The following RBFOX1 variants were observed in gnomAD, a reference collection of about 807,000 sequenced individuals.
The protein encoded by RBFOX1 is RNA binding protein fox-1 homolog 1.
In RBFOX1, 8 loss-of-function variants were observed where a neutral mutation model predicts 57.7. That is an observed-to-expected ratio of 0.14 (90% confidence interval 0.08 to 0.25). The LOEUF (loss-of-function observed/expected upper bound fraction) is 0.25, where lower values mean the gene tolerates loss of function less well. Among genes scored for constraint, RBFOX1 ranks in the 10% least tolerant of loss-of-function variants. The pLI, the probability that RBFOX1 is intolerant of heterozygous loss-of-function variation, is 1.00. For synonymous variants in RBFOX1, 326 were observed against 222.4 expected (o/e 1.47, Z -4.15); for missense variants, 611 against 548.5 (o/e 1.11, Z -1.14).
At chr16:7,258,963 A>G (rs2094808929) in intron 4 of RBFOX1, among the ~76,000 whole-genome samples, 1 of 152,204 alleles carries the variant, frequency 6.6e-6, no homozygotes, top group Admixed American at 6.5e-5. Context: ...TGTTTCACCT[A>G]TGACATATTG....
intron 1 of RBFOX1, among the ~76,000 whole-genome samples, chr16:5,430,909 A>G (rs902231197): frequency 2.6e-5 from 4 of 152,266 alleles, no homozygotes; most frequent in African/African-American, 7.2e-5. Flanking sequence ...GAGACAGTTT[A>G]TAATAGAATC....
intron 4 of RBFOX1, among the ~76,000 whole-genome samples, chr16:7,463,206 A>T (rs2059894312): frequency 6.6e-6 from 1 of 152,062 alleles, no homozygotes; most frequent in African/African-American, 2.4e-5. Flanking sequence ...AGTGTCTTTT[A>T]AAAGGGCATG....
chr16:5,552,652 T>C (rs1464814053), intron 2 of RBFOX1, among the ~76,000 whole-genome samples: 2 of 152,110 alleles, frequency 1.3e-5, no homozygotes, highest in South Asian at 2.1e-4. Context: ...TAAAATAGAA[T>C]TGGAAACCGA....
chr16:6,254,669 G>T (rs1255477213), intron 1 of RBFOX1, among the ~76,000 whole-genome samples: 1 of 152,094 alleles, frequency 6.6e-6, no homozygotes, highest in Non-Finnish European at 1.5e-5. Flanking sequence ...TTCAATGGGG[G>T]AAAGCAATAC....
intron 4 of RBFOX1, among the ~76,000 whole-genome samples, chr16:5,926,614 T>A (rs2058945841): frequency 6.6e-6 from 1 of 152,092 alleles, no homozygotes; most frequent in African/African-American, 2.4e-5. Context: ...ATCACCTAAA[T>A]CTCAATCTCT....
intron 2 of RBFOX1, among the ~76,000 whole-genome samples, chr16:6,614,347 A>G (rs555351017): frequency 2.6e-4 from 40 of 152,344 alleles, no homozygotes; most frequent in African/African-American, 9.6e-4. Context: ...CATGCCAGGT[A>G]TGAAGAATTA....
chr16:6,954,953 G>T (rs1266815645), intron 3 of RBFOX1, among the ~76,000 whole-genome samples: 1 of 152,048 alleles, frequency 6.6e-6, no homozygotes, highest in African/African-American at 2.4e-5. Context: ...TATGAAGGCT[G>T]GGTGTGGTGG....
chr16:7,011,134 C>G (rs923859229), intron 3 of RBFOX1, among the ~76,000 whole-genome samples: 1 of 151,406 alleles, frequency 6.6e-6, no homozygotes, highest in Non-Finnish European at 1.5e-5. Context: ...CTGTGTCTTA[C>G]ATAGTTGAAA....
intron 2 of RBFOX1, among the ~76,000 whole-genome samples, chr16:6,630,461 G>T (rs991505456): frequency 3.3e-5 from 5 of 152,262 alleles, no homozygotes; most frequent in Middle Eastern, 3.4e-3. Context: ...TATAACATCA[G>T]TTTGCACCAG....
intron 2 of RBFOX1, among the ~76,000 whole-genome samples, chr16:6,424,817 G>A (rs2093879730): frequency 6.6e-6 from 1 of 152,114 alleles, no homozygotes; most frequent in Non-Finnish European, 1.5e-5. Context: ...TTAGGTTAAG[G>A]TTCAATGGGA....
At chr16:5,384,667 T>C (rs2066212570) in intron 1 of RBFOX1, among the ~76,000 whole-genome samples, 1 of 152,152 alleles carries the variant, frequency 6.6e-6, no homozygotes. Flanking sequence ...ATGATAGTTT[T>C]CGGAGAAGAG....
At chr16:7,500,984 C>T (rs1300077251) in intron 4 of RBFOX1, among the ~76,000 whole-genome samples, 1 of 152,170 alleles carries the variant, frequency 6.6e-6, no homozygotes, top group Non-Finnish European at 1.5e-5. Context: ...CCTTGTCCTT[C>T]CTGCTGCCAT....
At chr16:7,697,021 A>C (rs1012548158) in intron 14 of RBFOX1, among the ~76,000 whole-genome samples, 6 of 152,160 alleles carry the variant, frequency 3.9e-5, no homozygotes, top group African/African-American at 1.4e-4. Flanking sequence ...TAGGACTTGG[A>C]GGCTGCAGAA....
chr16:7,276,113 G>T (rs1018544024), intron 4 of RBFOX1, among the ~76,000 whole-genome samples: 5 of 152,168 alleles, frequency 3.3e-5, no homozygotes, highest in African/African-American at 7.2e-5. Flanking sequence ...AGACAAATCA[G>T]GCTTGTAGAT....
chr16:7,218,381 G>C (rs1432514821), intron 4 of RBFOX1, among the ~76,000 whole-genome samples: 2 of 152,118 alleles, frequency 1.3e-5, no homozygotes, highest in Non-Finnish European at 2.9e-5. Flanking sequence ...ATGAGACAGA[G>C]TTAGAAGTGG....
intron 3 of RBFOX1, among the ~76,000 whole-genome samples, chr16:6,713,431 T>C (rs1376524613): frequency 6.6e-6 from 1 of 152,120 alleles, no homozygotes; most frequent in Non-Finnish European, 1.5e-5. Context: ...AACCTTGGTA[T>C]TGGGACATTT....
intron 2 of RBFOX1, among the ~76,000 whole-genome samples, chr16:6,405,613 G>A (rs2093252122): frequency 6.6e-6 from 1 of 152,136 alleles, no homozygotes; most frequent in South Asian, 2.1e-4. Flanking sequence ...TGAGAATGCT[G>A]CTCTTCTGTA....
At chr16:7,402,229 C>G (rs1276122814) in intron 4 of RBFOX1, among the ~76,000 whole-genome samples, 1 of 152,100 alleles carries the variant, frequency 6.6e-6, no homozygotes, top group African/African-American at 2.4e-5. Flanking sequence ...TGTCTGAAGA[C>G]TCACCTGTAA....
chr16:6,000,233 C>T (rs2060573365), intron 4 of RBFOX1, among the ~76,000 whole-genome samples: 1 of 152,158 alleles, frequency 6.6e-6, no homozygotes, highest in African/African-American at 2.4e-5. Context: ...TGGTGCGATG[C>T]TTCCTCTGAA....
Sources: allele counts gnomAD v4.1 joint callset (sites outside exome capture counted in the v4.1 genomes callset), GRCh38; gene constraint gnomAD v4.1.1; transcripts MANE v1.5; gene names NCBI Gene and HGNC (gene_info 2026-07-23, HGNC 2026-07-21).